ENPP2: variants seen among roughly 807,000 people sequenced by gnomAD.
ENPP2 encodes the protein ectonucleotide pyrophosphatase/phosphodiesterase 2.
ENPP2 carries 51 observed loss-of-function variants against 120.2 expected under a neutral mutation model. The ratio of observed to expected loss-of-function variants is 0.42; its 90% confidence interval spans 0.34 to 0.54. The LOEUF is 0.54. Ranked by LOEUF, ENPP2 falls within the 20% of genes least tolerant of loss-of-function variation. The pLI, the probability that ENPP2 is intolerant of heterozygous loss-of-function variation, is 0.04. For missense variants in ENPP2, 920 were observed against 1,066.5 expected (o/e 0.86, Z 1.91); for synonymous variants, 365 against 366.4 (o/e 1.00, Z 0.04).
In ENPP2 at chr8:119,626,796, G is replaced by C. The variant is rs1816311925; in HGVS notation, c.137-76C>G. On this transcript the variant is annotated intron_variant, in intron 2 of 24. Transcript: ENST00000075322. ...CATGGAAAGGTGGCACTGGGAAGCTGTGCGGTGTGATGCTGCAGTGGACTC... is the reference window on the plus strand; with the variant it reads ...CATGGAAAGGTGGCACTGGGAAGCTCTGCGGTGTGATGCTGCAGTGGACTC... The C allele has an allele frequency of 2.9e-6, 4 of 1,378,570 alleles. No homozygotes were observed. In the East Asian group the frequency reaches 9.2e-5, roughly 32 times the overall value. 85.4% of individuals were successfully genotyped at this position (1,378,570 alleles called of 1,614,324 possible). A position where few individuals can be genotyped will look rare whatever the true frequency, so the allele number is the denominator to read the frequency against.
At chr8:119,582,378 CAACA>C (rs1310571021) in intron 18 of ENPP2, 36 bp downstream of exon 18, 48 of 1,533,630 alleles carry the variant, frequency 3.1e-5, no homozygotes, top group Non-Finnish European at 4.2e-5. Flanking sequence ...GTTAGCCACC[CAACA>C]AACTTCTCCA....
upstream of ENPP2, among the ~76,000 whole-genome samples, chr8:119,643,154 A>G (rs1297550367): frequency 6.6e-6 from 1 of 152,208 alleles, no homozygotes; most frequent in Admixed American, 6.5e-5. Flanking sequence ...TTCTATCTTA[A>G]AAGTCTGTTG....
upstream of ENPP2, chr8:119,638,975 A>G (rs962096556): frequency 1.6e-6 from 1 of 641,406 alleles, no homozygotes; most frequent in Non-Finnish European, 2.7e-6. Context: ...AAGAGGCTTA[A>G]GCTATCATCC....
intron 18 of ENPP2, among the ~76,000 whole-genome samples, chr8:119,581,599 A>C (rs994956313): frequency 3.3e-5 from 5 of 152,010 alleles, no homozygotes; most frequent in Non-Finnish European, 7.4e-5. Flanking sequence ...ATGTTTTGGA[A>C]ACTTACTCCT....
At chr8:119,626,824 G>T in intron 2 of ENPP2, 104 bp from the exon 3 acceptor site, 1 of 1,034,836 alleles carries the variant, frequency 9.7e-7, no homozygotes, top group Non-Finnish European at 1.5e-6. Context: ...GTGGACTCTG[G>T]AGGAGAACAC....
In ENPP2 at chr8:119,638,764, G is replaced by A. The variant is rs762856505; in HGVS notation, c.17C>T (p.Ser6Leu). MARRS[S>L]FQSCQIISLF... The stretch of plus-strand genomic sequence containing the variant: ...TTCTCCCACCTGACACGACTGGAAC[G>A]AGCTCCTCCTTGCCATGTCGAGGAT... Residue 6 changes from serine to leucine, a missense_variant, in exon 1 of 25, where the codon TCG becomes TTG. By Grantham distance (145) the Ser-to-Leu change is moderately radical. Coordinates refer to ENST00000075322, the MANE Select transcript of ENPP2 (RefSeq NM_001040092.3). 5.0e-6 allele frequency: 8 copies of A among 1,606,188 alleles called. No homozygotes were observed. Among genetic ancestry groups the A allele is most frequent in the Admixed American group, 3.3e-5 (2 of 60,010 alleles).
chr8:119,619,385 G>T, intron 4 of ENPP2, 81 bp from the exon 5 acceptor site: 1 of 942,554 alleles, frequency 1.1e-6, no homozygotes. Flanking sequence ...CAGGATCTGT[G>T]TCCTGTTTGA....
At chr8:119,562,131 C>G (rs113434618) in intron 24 of ENPP2, among the ~76,000 whole-genome samples, 2 of 143,468 alleles carry the variant, frequency 1.4e-5, no homozygotes, top group African/African-American at 2.6e-5. Flanking sequence ...AGTGAGACTC[C>G]GCCTCAAAAA....
chr8:119,616,134 T>A, intron 8 of ENPP2, 131 bp downstream of exon 8: 1 of 734,380 alleles, frequency 1.4e-6, no homozygotes, highest in Non-Finnish European at 2.2e-6. Flanking sequence ...ATTAAAAGTA[T>A]CAAAAGACAG....
At chr8:119,580,056 C>A in intron 19 of ENPP2, 60 bp downstream of exon 19, 1 of 1,112,252 alleles carries the variant, frequency 9.0e-7, no homozygotes, top group South Asian at 1.3e-5. Flanking sequence ...AAATAAGAAG[C>A]CTTTTCGATT....
At chr8:119,635,880 AG>A (rs1816970524) in intron 2 of ENPP2, among the ~76,000 whole-genome samples, 1 of 152,226 alleles carries the variant, frequency 6.6e-6, no homozygotes, top group Non-Finnish European at 1.5e-5. Context: ...CTAACACCCC[AG>A]TCCATAGTAC....
At chr8:119,574,664 T>G (rs542145261) in intron 19 of ENPP2, among the ~76,000 whole-genome samples, 10 of 152,116 alleles carry the variant, frequency 6.6e-5, no homozygotes, top group Non-Finnish European at 1.5e-5. Context: ...GCTTCCTGAT[T>G]CAGATTCCCA....
chr8:119,619,862 G>A (rs1815763395), intron 4 of ENPP2, among the ~76,000 whole-genome samples: 1 of 151,942 alleles, frequency 6.6e-6, no homozygotes, highest in Non-Finnish European at 1.5e-5. Context: ...CAAGATCTAA[G>A]AGCATAATGT....
intron 7 of ENPP2, 84 bp downstream of exon 7, chr8:119,617,080 G>A (rs1309528289): frequency 1.2e-5 from 11 of 886,710 alleles, no homozygotes; most frequent in South Asian, 7.0e-5. Context: ...TAAGGAACAC[G>A]TTTTAAAAGT....
At chr8:119,630,956 G>A (rs1365506545) in intron 2 of ENPP2, among the ~76,000 whole-genome samples, 3 of 150,500 alleles carry the variant, frequency 2.0e-5, no homozygotes, top group Non-Finnish European at 4.4e-5. Flanking sequence ...GTGTAATGGT[G>A]CGATCTCGGC....
chr8:119,641,345 A>T (rs1817282392), upstream of ENPP2, among the ~76,000 whole-genome samples: 1 of 152,090 alleles, frequency 6.6e-6, no homozygotes, highest in Non-Finnish European at 1.5e-5. Flanking sequence ...AAAGCTTCAC[A>T]GTGCATAAAG....
intron 24 of ENPP2, among the ~76,000 whole-genome samples, chr8:119,558,919 G>T (rs868419310): frequency 6.6e-6 from 1 of 152,276 alleles, no homozygotes; most frequent in Admixed American, 6.5e-5. Flanking sequence ...TTCTCGGAAA[G>T]CTCCAACCCA....
chr8:119,624,819 T>G (rs1317948479), intron 3 of ENPP2, among the ~76,000 whole-genome samples: 7 of 152,228 alleles, frequency 4.6e-5, no homozygotes, highest in African/African-American at 1.2e-4. Context: ...AAAGTTTCGC[T>G]GAAACATTGT....
At chr8:119,612,800 G>A (rs536670269) in intron 8 of ENPP2, among the ~76,000 whole-genome samples, 23 of 152,294 alleles carry the variant, frequency 1.5e-4, no homozygotes, top group Admixed American at 3.3e-4. Flanking sequence ...TGAGGTGGGA[G>A]TGTTGCTTGA....
Sources: allele counts gnomAD v4.1 joint callset (sites outside exome capture counted in the v4.1 genomes callset), GRCh38; gene constraint gnomAD v4.1.1; transcripts MANE v1.5; gene names NCBI Gene and HGNC (gene_info 2026-07-23, HGNC 2026-07-21).